Variants in CCDC170 observed in about 807,000 individuals in gnomAD.
CCDC170 encodes the protein coiled-coil domain containing 170, also known as coiled-coil domain-containing protein 170.
A neutral mutation model predicts 72.6 loss-of-function variants in CCDC170; 69 were observed. That is an observed-to-expected ratio of 0.95 (90% CI 0.78 to 1.16). The LOEUF is 1.16. Ranked by LOEUF, CCDC170 falls within the 50% of genes most tolerant of loss-of-function variation. The pLI is 0.00. For synonymous variants in CCDC170, 300 were observed against 303.9 expected (o/e 0.99, Z 0.13); for missense variants, 852 against 832.5 (o/e 1.02, Z -0.29).
intron 1 of CCDC170, among the ~76,000 whole-genome samples, chr6:151,521,692 G>A (rs549099458): frequency 7.2e-5 from 11 of 152,260 alleles, no homozygotes; most frequent in East Asian, 5.8e-4. Context: ...TAGTTTAAGC[G>A]TAAGTTTCGG....
intron 7 of CCDC170, among the ~76,000 whole-genome samples, chr6:151,592,396 A>G (rs927317447): frequency 2.0e-5 from 3 of 151,980 alleles, no homozygotes; most frequent in African/African-American, 4.8e-5. Context: ...AATAAATAAG[A>G]CATACCTGAG....
chr6:151,558,410 C>G (rs1176459284), intron 5 of CCDC170, among the ~76,000 whole-genome samples: 2 of 151,694 alleles, frequency 1.3e-5, no homozygotes, highest in Non-Finnish European at 2.9e-5. Context: ...TAATATAGTC[C>G]CATTTGCCTA....
chr6:151,584,517 A>G (rs1334168041), intron 6 of CCDC170, among the ~76,000 whole-genome samples: 2 of 152,244 alleles, frequency 1.3e-5, no homozygotes, highest in Non-Finnish European at 2.9e-5. Flanking sequence ...ATAATATTTC[A>G]ACTATATTTT....
chr6:151,548,684 A>G (rs553044710), intron 5 of CCDC170, among the ~76,000 whole-genome samples, 195 bp downstream of exon 5: 6 of 151,770 alleles, frequency 4.0e-5, no homozygotes, highest in African/African-American at 1.2e-4. Context: ...CATTGGCTAT[A>G]TATGTACATT....
intron 1 of CCDC170, among the ~76,000 whole-genome samples, chr6:151,494,750 T>G (rs1344837504): frequency 6.6e-6 from 1 of 151,812 alleles, no homozygotes; most frequent in Non-Finnish European, 1.5e-5. Flanking sequence ...CACACGAACA[T>G]GCGCGCATAC....
At chr6:151,548,639 T>C (rs1446404248) in intron 5 of CCDC170, 150 bp downstream of exon 5, 11 of 582,810 alleles carry the variant, frequency 1.9e-5, no homozygotes, top group Non-Finnish European at 3.0e-5. Context: ...GCAGGAGGGT[T>C]GGGGGTGACA....
chr6:151,615,027 A>G (rs1361810272), intron 9 of CCDC170, among the ~76,000 whole-genome samples: 1 of 152,136 alleles, frequency 6.6e-6, no homozygotes, highest in Non-Finnish European at 1.5e-5. Flanking sequence ...CTCTCATGGG[A>G]TACAGCATTA....
rs1776239561 is a variant in CCDC170 at position 151,572,663 on chromosome 6, T to TTTTGTTTTG, written c.775-508_775-507insGTTTTGTTT. On this transcript the variant is annotated intron_variant, in intron 5 of 10. Coordinates refer to ENST00000239374, the MANE Select transcript of CCDC170 (RefSeq NM_025059.4). ...CCCTTCTCTGTGTTTTTTTTTTTTT[T>TTTTGTTTTG]TTTTTTGATGGAGTCTTGTTCTGTT... is the stretch of plus-strand genomic sequence containing the variant. Among the ~76,000 whole-genome samples, 14 of 21,386 alleles carry TTTTGTTTTG rather than the reference T, an allele frequency of 6.5e-4. 1 individual carries two copies. Among genetic ancestry groups the TTTTGTTTTG allele is most frequent in the Non-Finnish European group, 1.2e-3 (10 of 8,556 alleles). 14.0% of individuals were successfully genotyped at this position (21,386 alleles called of 152,430 possible). A position where few individuals can be genotyped will look rare whatever the true frequency, so the allele number is the denominator to read the frequency against.
chr6:151,573,176 C>T lies in CCDC170; in HGVS notation c.777C>T (p.Asp259=), dbSNP rs766590879. 2 of 1,609,818 alleles carry T rather than the reference C, an allele frequency of 1.2e-6. No homozygotes were observed. Among genetic ancestry groups the T allele is most frequent in the Non-Finnish European group, 8.5e-7 (1 of 1,178,074 alleles). ...TTCACTTTCTGTAATCATTTTAGGA[C>T]CTGCTCAGTGCTGTAGAAGCAAAAG... ...CTEEKEKLNQ[D]LLSAVEAKEA... The change falls in exon 6 of 11, where the codon GAC becomes GAT. Residue 259 remains aspartate, a splice_region_variant and synonymous_variant. Coordinates refer to ENST00000239374, the MANE Select transcript of CCDC170 (RefSeq NM_025059.4).
chr6:151,564,509 G>A (rs972868715), intron 5 of CCDC170, among the ~76,000 whole-genome samples: 4 of 152,196 alleles, frequency 2.6e-5, no homozygotes, highest in African/African-American at 7.2e-5. Flanking sequence ...GGGTCTTTCA[G>A]TCCCTGGGCA....
At chr6:151,510,484 T>C (rs183655398) in intron 1 of CCDC170, among the ~76,000 whole-genome samples, 58 of 152,300 alleles carry the variant, frequency 3.8e-4, no homozygotes, top group African/African-American at 1.3e-3. Flanking sequence ...ATAAAGATAC[T>C]GAAGTCAGAG....
intron 10 of CCDC170, 23 bp downstream of exon 10, chr6:151,615,702 A>T (rs1351406867): frequency 6.6e-7 from 1 of 1,508,324 alleles, no homozygotes; most frequent in South Asian, 1.2e-5. Flanking sequence ...CTGGTGATGA[A>T]ACCTTGTTTA....
intron 5 of CCDC170, among the ~76,000 whole-genome samples, chr6:151,566,114 A>G (rs1190987049): frequency 6.6e-6 from 1 of 152,208 alleles, no homozygotes; most frequent in Non-Finnish European, 1.5e-5. Flanking sequence ...TTTCAAACTT[A>G]AGCTGAATTC....
At chr6:151,523,317 C>A (rs370040866) in intron 1 of CCDC170, among the ~76,000 whole-genome samples, 3 of 152,110 alleles carry the variant, frequency 2.0e-5, no homozygotes, top group African/African-American at 7.2e-5. Context: ...ATCACAGAAG[C>A]TATTTAATTT....
chr6:151,525,002 G>C (rs1274904347), intron 1 of CCDC170, among the ~76,000 whole-genome samples: 1 of 138,318 alleles, frequency 7.2e-6, no homozygotes, highest in South Asian at 2.2e-4. Context: ...GTGCAATCTC[G>C]GCTCACTGCA....
chr6:151,581,612 G>A (rs1367134146), intron 6 of CCDC170, among the ~76,000 whole-genome samples: 1 of 152,176 alleles, frequency 6.6e-6, no homozygotes, highest in Non-Finnish European at 1.5e-5. Context: ...TGTCCTTAAT[G>A]GTATCAAGAG....
intron 4 of CCDC170, among the ~76,000 whole-genome samples, chr6:151,546,208 T>C (rs1018658357): frequency 5.3e-5 from 8 of 152,178 alleles, no homozygotes; most frequent in Non-Finnish European, 1.0e-4. Context: ...TGGGTTTTGA[T>C]AGCTGGGACC....
At chr6:151,615,192 C>T (rs1776938405) in intron 9 of CCDC170, among the ~76,000 whole-genome samples, 1 of 152,162 alleles carries the variant, frequency 6.6e-6, no homozygotes, top group African/African-American at 2.4e-5. Context: ...CAGAATTATG[C>T]TGTCTACAGT....
intron 6 of CCDC170, 150 bp downstream of exon 6, chr6:151,573,641 C>T (rs1018706155): frequency 1.2e-6 from 1 of 815,304 alleles, no homozygotes; most frequent in African/African-American, 1.7e-5. Flanking sequence ...TTAATGGATT[C>T]ACAGTTCCAC....
Sources: allele counts gnomAD v4.1 joint callset (sites outside exome capture counted in the v4.1 genomes callset), GRCh38; gene constraint gnomAD v4.1.1; transcripts MANE v1.5; gene names NCBI Gene and HGNC (gene_info 2026-07-23, HGNC 2026-07-21).